The following FSD1 variants were observed in gnomAD, a reference collection of about 807,000 sequenced individuals.
The protein encoded by FSD1 is fibronectin type III and SPRY domain-containing protein 1.
A neutral mutation model predicts 58.2 loss-of-function variants in FSD1; 23 were observed. The observed-to-expected ratio is 0.40, with a 90% CI of 0.28 to 0.56. The LOEUF is 0.56. Ranked by LOEUF, FSD1 falls within the 20% of genes least tolerant of loss-of-function variation. The probability of loss-of-function intolerance (pLI) is 0.54; values close to 1 mark genes in which losing one functional copy is unlikely to be tolerated. For synonymous variants in FSD1, 265 were observed against 263.4 expected, an observed-to-expected ratio of 1.01 and a Z score of -0.06; for missense variants, 563 against 670.8, an observed-to-expected ratio of 0.84 and a Z score of 1.78.
At chr19:4,322,857 C>A in intron 10 of FSD1, 129 bp from the exon 11 acceptor site, 1 of 1,165,228 alleles carries the variant, frequency 8.6e-7, no homozygotes, top group South Asian at 1.5e-5. Context: ...AGCTAGGAAC[C>A]TGGGGAGTGT....
At chr19:4,318,584 G>A in intron 9 of FSD1, 79 bp downstream of exon 9, 1 of 1,341,930 alleles carries the variant, frequency 7.5e-7, no homozygotes, top group Non-Finnish European at 1.0e-6. Context: ...AGTGTGGTCA[G>A]AGTTGGGGTG....
At chr19:4,308,301 G>A (rs953881882) in intron 4 of FSD1, among the ~76,000 whole-genome samples, 5 of 152,280 alleles carry the variant, frequency 3.3e-5, no homozygotes, top group African/African-American at 1.2e-4. Context: ...CCAGCTACTT[G>A]GGAGGCTGAG....
intron 7 of FSD1, among the ~76,000 whole-genome samples, chr19:4,314,688 T>C (rs1358547505): frequency 6.6e-6 from 1 of 152,234 alleles, no homozygotes; most frequent in African/African-American, 2.4e-5. Flanking sequence ...GGTTTCTCCA[T>C]GTTGACCAGG....
At chr19:4,307,717 C>T (rs1421584646) in intron 3 of FSD1, among the ~76,000 whole-genome samples, 165 bp from the exon 4 acceptor site, 2 of 152,274 alleles carry the variant, frequency 1.3e-5, no homozygotes, top group Non-Finnish European at 2.9e-5. Context: ...TTCTGCTCCC[C>T]GAGCCCAGCC....
chr19:4,312,025 T>G lies in FSD1; in HGVS notation c.674T>G (p.Ile225Ser). The part of the protein sequence containing the change: ...EDQPWMVIEG[I>S]RQTEYTLTGL... ...CAGCCCTGGATGGTCATCGAGGGCA[T>G]CCGGCAGACAGAGTACACCCTGACA... The change falls in exon 7 of 13, where the codon ATC becomes AGC. Residue 225 changes from isoleucine to serine, a missense_variant. By Grantham distance (142) the Ile-to-Ser change is moderately radical. Transcript: ENST00000221856. 6.2e-7 allele frequency: 1 copy of G among 1,610,520 alleles called. No individual in the cohort carries two copies. Among genetic ancestry groups the G allele is most frequent in the Middle Eastern group, 1.7e-4 (1 of 6,012 alleles).
intron 7 of FSD1, among the ~76,000 whole-genome samples, chr19:4,312,253 C>T (rs1971701651): frequency 6.6e-6 from 1 of 152,110 alleles, no homozygotes; most frequent in Admixed American, 6.6e-5. Flanking sequence ...CTTTGGGAGG[C>T]TGAAGCGGGT....
intron 3 of FSD1, among the ~76,000 whole-genome samples, 195 bp from the exon 4 acceptor site, chr19:4,307,687 G>A (rs1971637457): frequency 6.6e-6 from 1 of 152,144 alleles, no homozygotes; most frequent in Admixed American, 6.6e-5. Context: ...TTTTAGGGAA[G>A]GGATTCCCCA....
intron 10 of FSD1, among the ~76,000 whole-genome samples, chr19:4,321,108 C>T (rs1971811266): frequency 7.3e-6 from 1 of 137,736 alleles, no homozygotes; most frequent in Non-Finnish European, 1.5e-5. Flanking sequence ...GGGGAAATAG[C>T]TGGGACTGAG....
At chr19:4,313,720 A>G (rs1971721445) in intron 7 of FSD1, among the ~76,000 whole-genome samples, 2 of 149,802 alleles carry the variant, frequency 1.3e-5, no homozygotes, top group Admixed American at 1.3e-4. Context: ...CCGTCTCAAA[A>G]AAAAAAAAAA....
intron 7 of FSD1, 107 bp downstream of exon 7, chr19:4,312,158 A>C: frequency 2.2e-5 from 23 of 1,024,908 alleles, no homozygotes; most frequent in Non-Finnish European, 3.3e-5. Flanking sequence ...CCCAAAGCTC[A>C]TGGGGTCTGG....
intron 1 of FSD1, 129 bp from the exon 2 acceptor site, chr19:4,305,817 C>G (rs981632275): frequency 1.4e-6 from 1 of 709,840 alleles, no homozygotes; most frequent in Non-Finnish European, 2.5e-6. Context: ...CATGTGTGTG[C>G]GCACGCGTGT....
intron 7 of FSD1, among the ~76,000 whole-genome samples, chr19:4,312,709 G>T (rs1826168242): frequency 6.6e-6 from 1 of 151,846 alleles, no homozygotes; most frequent in Admixed American, 6.6e-5. Flanking sequence ...GGAGGCTGAG[G>T]CAGGAGAATG....
chr19:4,309,833 C>T (rs1340240135), intron 4 of FSD1, among the ~76,000 whole-genome samples: 9 of 150,346 alleles, frequency 6.0e-5, no homozygotes, highest in Non-Finnish European at 1.2e-4. Flanking sequence ...GGCGTGAACC[C>T]GGGAGGCGGA....
chr19:4,308,260 T>C (rs1011248354), intron 4 of FSD1, among the ~76,000 whole-genome samples: 18 of 151,674 alleles, frequency 1.2e-4, no homozygotes, highest in Non-Finnish European at 1.9e-4. Context: ...ATACAAACAT[T>C]AGCTGGATGT....
At position 4,310,960 on chromosome 19, in the gene FSD1, G is replaced by T. The variant is rs532950641; in HGVS notation, c.490+364G>T. 164 of 197,464 alleles carry T rather than the reference G, an allele frequency of 8.3e-4. 6 individuals carry two copies. The South Asian group carries it at 0.015, about 18-fold the overall frequency. 12.2% of individuals were successfully genotyped at this position (197,464 alleles called of 1,614,324 possible). ...CAGGTGGGAAAATCCTGTCCCCAGGGGTGGAGCCCTGAGAATAGCACGTCC... is the reference window on the plus strand; with the variant it reads ...CAGGTGGGAAAATCCTGTCCCCAGGTGTGGAGCCCTGAGAATAGCACGTCC... On this transcript the variant is annotated intron_variant, in intron 6 of 12. Transcript: ENST00000221856.
At chr19:4,314,427 A>C (rs1216397660) in intron 7 of FSD1, among the ~76,000 whole-genome samples, 2 of 151,800 alleles carry the variant, frequency 1.3e-5, no homozygotes, top group African/African-American at 4.8e-5. Context: ...TACAGTGAGG[A>C]CCCATGTAGT....
intron 10 of FSD1, among the ~76,000 whole-genome samples, chr19:4,319,513 G>A (rs1971791622): frequency 6.6e-6 from 1 of 152,156 alleles, no homozygotes; most frequent in Admixed American, 6.6e-5. Context: ...TCAGAATAGA[G>A]CTGGAGAAAG....
intron 7 of FSD1, among the ~76,000 whole-genome samples, chr19:4,314,262 A>C (rs1017926557): frequency 6.6e-6 from 1 of 152,180 alleles, no homozygotes; most frequent in African/African-American, 2.4e-5. Context: ...TTGCTTGAGA[A>C]TCAAAATAAA....
In FSD1 at chr19:4,318,483, T is replaced by C; in HGVS notation, c.937T>C (p.Ser313Pro). The change falls in exon 9 of 13, where the codon TCT (serine) becomes CCT (proline). Residue 313 changes from serine (S) to proline (P), a missense_variant. Coordinates refer to ENST00000221856, the MANE Select transcript of FSD1 (RefSeq NM_024333.3). ...REKDGKGRTA[S>P]PINSPARGTP... ...GAAAGATGGCAAGGGGCGGACGGCG[T>C]CTCCCATCAACTCCCCAGCCAGGTA... 1 of 1,610,920 alleles carries C rather than the reference T, an allele frequency of 6.2e-7. No individual in the cohort carries two copies. Among genetic ancestry groups the C allele is most frequent in the South Asian group, 1.1e-5 (1 of 90,648 alleles).
Sources: gnomAD v4.1 joint callset for allele counts (sites outside exome capture counted in the v4.1 genomes callset) on GRCh38, gnomAD v4.1.1 for gene constraint, MANE v1.5 for transcripts, NCBI Gene and HGNC (gene_info 2026-07-23, HGNC 2026-07-21) for gene names.